The following ESCO1 variants were observed in gnomAD, a reference collection of about 807,000 sequenced individuals.
The protein encoded by ESCO1 is establishment of sister chromatid cohesion N-acetyltransferase 1, also known as N-acetyltransferase ESCO1.
A neutral mutation model predicts 83.5 loss-of-function variants in ESCO1; 33 were observed. That is an observed-to-expected ratio of 0.40 (90% CI 0.30 to 0.53). The LOEUF (loss-of-function observed/expected upper bound fraction) is 0.53. ESCO1 is among the 20% of genes least tolerant of loss of function. ESCO1 has a pLI of 0.63. For synonymous variants in ESCO1, 332 were observed against 324.3 expected (o/e 1.02, Z -0.25); for missense variants, 855 against 968.0 (o/e 0.88, Z 1.55).
intron 9 of ESCO1, among the ~76,000 whole-genome samples, 183 bp from the exon 10 acceptor site, chr18:21,536,368 T>C (rs1248361589): frequency 3.3e-5 from 5 of 152,014 alleles, no homozygotes; most frequent in Admixed American, 1.3e-4. Flanking sequence ...GGCGGGTGGA[T>C]TGCCTGAGCT....
intron 1 of ESCO1, among the ~76,000 whole-genome samples, chr18:21,600,393 C>A (rs1366599075): frequency 6.6e-6 from 1 of 152,250 alleles, no homozygotes; most frequent in Non-Finnish European, 1.5e-5. Flanking sequence ...TGCGCGGACA[C>A]GCGAGCACGT....
At chr18:21,595,484 A>G (rs1181978284) in intron 1 of ESCO1, among the ~76,000 whole-genome samples, 1 of 151,148 alleles carries the variant, frequency 6.6e-6, no homozygotes, top group Non-Finnish European at 1.5e-5. Flanking sequence ...CCTGGCTAAC[A>G]CAGTGAAACC....
intron 8 of ESCO1, among the ~76,000 whole-genome samples, chr18:21,547,265 A>G (rs557973908): frequency 1.3e-5 from 2 of 152,278 alleles, no homozygotes; most frequent in East Asian, 3.9e-4. Flanking sequence ...TTTTAAAAAC[A>G]AGGTCGACAG....
intron 1 of ESCO1, among the ~76,000 whole-genome samples, chr18:21,589,822 G>T (rs543613785): frequency 1.4e-5 from 2 of 147,326 alleles, no homozygotes; most frequent in African/African-American, 4.9e-5. Flanking sequence ...CCAGTCAAAT[G>T]CAAGTCCGTC....
Position 21,550,450 on chromosome 18 carries a change from C to A in ESCO1, c.1953+10409G>T, listed in dbSNP as rs933846907. On this transcript the variant is annotated intron_variant, in intron 8 of 11. Coordinates refer to ENST00000269214, the MANE Select transcript of ESCO1 (RefSeq NM_052911.3). ...ATGGGAAGAATTATGATACTTTTTT[C>A]TCTTCTGTCTTCAAATATTAAAGAA... Among the ~76,000 whole-genome samples the A allele has an allele frequency of 2.0e-5, 3 of 152,130 alleles. No individual in the cohort carries two copies. In the South Asian group the frequency reaches 6.2e-4, roughly 31 times the overall value.
intron 5 of ESCO1, 112 bp from the exon 6 acceptor site, chr18:21,566,318 T>G: frequency 1.1e-6 from 1 of 896,226 alleles, no homozygotes; most frequent in South Asian, 1.7e-5. Context: ...TTAAATGACT[T>G]ATTTTTAATA....
At chr18:21,560,645 A>C (rs929043785) in intron 8 of ESCO1, among the ~76,000 whole-genome samples, 6 of 152,170 alleles carry the variant, frequency 3.9e-5, no homozygotes, top group Admixed American at 3.9e-4. Context: ...TAAATTCAAA[A>C]TCCCACAACA....
intron 2 of ESCO1, among the ~76,000 whole-genome samples, chr18:21,578,603 C>T (rs1003097513): frequency 6.6e-6 from 1 of 152,034 alleles, no homozygotes; most frequent in African/African-American, 2.4e-5. Context: ...TCTATAATCC[C>T]AGCTACTCTG....
chr18:21,580,042 C>T (rs988796214), intron 2 of ESCO1, among the ~76,000 whole-genome samples: 1 of 151,300 alleles, frequency 6.6e-6, no homozygotes, highest in Non-Finnish European at 1.5e-5. Context: ...ATTACAGGCA[C>T]GCACCACCAC....
Position 21,568,088 on chromosome 18 carries a change from T to G in ESCO1, c.1537A>C (p.Ser513Arg). Residue 513 changes from serine (S) to arginine (R), a missense_variant, in exon 5 of 12, where the codon AGC becomes CGC. Transcript: ENST00000269214. Reference protein sequence around the residue: ...SFDSASNKNFSQCLESKLENS... With the variant: ...SFDSASNKNFRQCLESKLENS... The stretch of plus-strand genomic sequence containing the variant: ...TCTAGCTTGGATTCCAAACATTGGC[T>G]GAAATTCTGAACACATATAATTCAA... The G allele has an allele frequency of 1.2e-6, 2 of 1,612,374 alleles. No individual in the cohort carries two copies. The highest frequency in any genetic ancestry group is 8.5e-7 in the Non-Finnish European group (1 of 1,178,784).
Position 21,574,070 on chromosome 18 carries a change from T to C in ESCO1, c.774A>G (p.Lys258=). The change falls in exon 4 of 12, where the codon AAA becomes AAG. Residue 258 remains lysine (K), a synonymous_variant. Coordinates refer to ENST00000269214, the MANE Select transcript of ESCO1 (RefSeq NM_052911.3). ...GAACCGACTTCTTCATCTCATTCTT[T>C]TTCGGGACCACTGAAGTAGCCATTT... ...RSKMATSVVP[K]KNEMKKSVHT... is the part of the protein sequence containing the mutation. The C allele has an allele frequency of 6.2e-7, 1 of 1,612,800 alleles. No homozygotes were observed. Among genetic ancestry groups the C allele is most frequent in the Non-Finnish European group, 8.5e-7 (1 of 1,179,998 alleles).
chr18:21,583,329 GGCACTAATAAA>G (rs1196232663), intron 2 of ESCO1, among the ~76,000 whole-genome samples: 1 of 151,314 alleles, frequency 6.6e-6, no homozygotes, highest in Non-Finnish European at 1.5e-5. Context: ...CTTTTACAAA[GGCACTAATAAA>G]AAAAAGAAAA....
chr18:21,594,977 T>C (rs925266869), intron 1 of ESCO1, among the ~76,000 whole-genome samples: 24 of 146,656 alleles, frequency 1.6e-4, no homozygotes, highest in African/African-American at 6.0e-4. Context: ...ATCTTTTTTA[T>C]ATATGAAAAA....
intron 1 of ESCO1, among the ~76,000 whole-genome samples, chr18:21,592,870 C>T (rs1485203649): frequency 6.7e-6 from 1 of 150,336 alleles, no homozygotes; most frequent in Non-Finnish European, 1.5e-5. Context: ...CCTCCCTTCT[C>T]AGATGGGGCG....
At chr18:21,559,071 G>A (rs563449964) in intron 8 of ESCO1, among the ~76,000 whole-genome samples, 79 of 152,302 alleles carry the variant, frequency 5.2e-4, no homozygotes, top group Non-Finnish European at 1.1e-3. Flanking sequence ...AGATAGGTAC[G>A]TTTTCTTCTT....
chr18:21,564,777 G>A (rs2038237058), intron 6 of ESCO1, among the ~76,000 whole-genome samples: 1 of 151,952 alleles, frequency 6.6e-6, no homozygotes, highest in Non-Finnish European at 1.5e-5. Context: ...CAAGGAGCAG[G>A]CCTGGCATGG....
Position 21,574,363 on chromosome 18 carries a change from T to C in ESCO1, c.481A>G (p.Ser161Gly), listed in dbSNP as rs1413130442. ...TTATTAGATTTACTCTGAGTACTGC[T>C]ACACTGCTCTTTTTTAGTTGGTGGC... Reference protein sequence around the residue: ...SLPPTKKEQCSSTQSKSNKTS... With the variant: ...SLPPTKKEQCGSTQSKSNKTS... Residue 161 changes from serine (S) to glycine (G), a missense_variant, in exon 4 of 12, where the codon AGC (serine) becomes GGC (glycine). Around this residue, in one of 2 missense-constraint regions of ESCO1, gnomAD observed 726 missense variants for 699.5 expected, o/e 1.04. Transcript: ENST00000269214. The C allele has an allele frequency of 6.2e-7, 1 of 1,614,104 alleles. No homozygotes were observed. Among genetic ancestry groups the C allele is most frequent in the Admixed American group, 1.7e-5 (1 of 60,016 alleles).
rs2038016002 is a variant in ESCO1, at chr18:21,549,400, G to A, written c.1954-9391C>T. Among the ~76,000 whole-genome samples the A allele has an allele frequency of 2.0e-5, 3 of 152,008 alleles. No homozygotes were observed. The South Asian group carries it at 6.2e-4, about 32-fold the overall frequency. ...CTGCTAGATGGAACCACCCTGACATGACACACCTCCAGACTTCCTTGTTTT... is the reference window on the plus strand; with the variant it reads ...CTGCTAGATGGAACCACCCTGACATAACACACCTCCAGACTTCCTTGTTTT... On this transcript the variant is annotated intron_variant, in intron 8 of 11. Coordinates refer to ENST00000269214, the MANE Select transcript of ESCO1 (RefSeq NM_052911.3).
At chr18:21,542,597 C>T (rs538463886) in intron 8 of ESCO1, among the ~76,000 whole-genome samples, 1 of 152,300 alleles carries the variant, frequency 6.6e-6, no homozygotes, top group East Asian at 1.9e-4. Flanking sequence ...TAGCAACTTC[C>T]ATTCTCCCTT....
Sources: gnomAD v4.1 joint callset for allele counts (sites outside exome capture counted in the v4.1 genomes callset) on GRCh38, gnomAD v4.1.1 for gene constraint, gnomAD v4.1.1 regional missense constraint, MANE v1.5 for transcripts, NCBI Gene and HGNC (gene_info 2026-07-23, HGNC 2026-07-21) for gene names.